Variants in PLA2G4A observed in about 807,000 individuals in gnomAD.
PLA2G4A encodes phospholipase A2 group IVA.
Under a neutral mutation model 81.9 loss-of-function variants are expected in PLA2G4A, and 40 were observed. The observed-to-expected ratio is 0.49, with a 90% CI of 0.38 to 0.64. The LOEUF is 0.64. Ranked by LOEUF, PLA2G4A falls within the 30% of genes least tolerant of loss-of-function variation. The pLI, the probability that PLA2G4A is intolerant of heterozygous loss-of-function variation, is 0.00. For missense variants in PLA2G4A, 715 were observed against 905.1 expected (o/e 0.79, Z 2.69); for synonymous variants, 302 against 296.9 (o/e 1.02, Z -0.18).
intron 2 of PLA2G4A, 31 bp downstream of exon 2, chr1:186,854,418 T>C (rs1230732133): frequency 2.9e-6 from 4 of 1,390,610 alleles, no homozygotes; most frequent in Non-Finnish European, 4.1e-6. Flanking sequence ...GAATTCTTTC[T>C]TGGAGGGGGT....
chr1:186,951,541 C>T (rs1018767627), intron 13 of PLA2G4A, among the ~76,000 whole-genome samples: 3 of 151,886 alleles, frequency 2.0e-5, no homozygotes, highest in Admixed American at 1.3e-4. Context: ...TATATCTGTC[C>T]TATTACAGTT....
At chr1:186,836,802 G>T (rs1051596812) in intron 1 of PLA2G4A, among the ~76,000 whole-genome samples, 5 of 152,206 alleles carry the variant, frequency 3.3e-5, no homozygotes, top group Non-Finnish European at 5.9e-5. Flanking sequence ...TTCCGTCTTA[G>T]TGGAGACAGA....
At chr1:186,860,636 G>A (rs1415485232) in intron 2 of PLA2G4A, among the ~76,000 whole-genome samples, 3 of 152,120 alleles carry the variant, frequency 2.0e-5, no homozygotes, top group Admixed American at 6.6e-5. Context: ...ATGGCCTACC[G>A]AAATTGATGT....
chr1:186,960,225 A>G (rs1161875065), intron 14 of PLA2G4A, among the ~76,000 whole-genome samples: 2 of 152,280 alleles, frequency 1.3e-5, no homozygotes, highest in African/African-American at 4.8e-5. Flanking sequence ...TGTTTATCCT[A>G]CTTACTGTGA....
intron 1 of PLA2G4A, among the ~76,000 whole-genome samples, chr1:186,837,061 T>G (rs2101999965): frequency 6.6e-6 from 1 of 152,002 alleles, no homozygotes; most frequent in East Asian, 1.9e-4. Context: ...ACTAAGAAAC[T>G]AGATGGAAAA....
intron 8 of PLA2G4A, among the ~76,000 whole-genome samples, chr1:186,933,880 C>T (rs1034560813): frequency 6.6e-6 from 1 of 152,096 alleles, no homozygotes; most frequent in African/African-American, 2.4e-5. Flanking sequence ...TTCTACTAAA[C>T]CACACTCTTT....
At chr1:186,832,638 T>C (rs879810785) in intron 1 of PLA2G4A, among the ~76,000 whole-genome samples, 1 of 152,230 alleles carries the variant, frequency 6.6e-6, no homozygotes, top group Non-Finnish European at 1.5e-5. Flanking sequence ...ATTTCTTTGT[T>C]GAACAAAGTT....
intron 15 of PLA2G4A, 67 bp from the exon 16 acceptor site, chr1:186,977,526 A>G: frequency 9.5e-7 from 1 of 1,048,388 alleles, no homozygotes; most frequent in Non-Finnish European, 1.5e-6. Context: ...ACACTGAATT[A>G]TGGTCAGACC....
intron 7 of PLA2G4A, among the ~76,000 whole-genome samples, chr1:186,915,290 CAGAT>C (rs1571397113): frequency 6.6e-6 from 1 of 152,258 alleles, no homozygotes; most frequent in East Asian, 1.9e-4. Context: ...TCTATTTTGA[CAGAT>C]AGCATTTCTC....
intron 15 of PLA2G4A, among the ~76,000 whole-genome samples, chr1:186,974,901 T>C (rs1657478957): frequency 6.6e-6 from 1 of 152,182 alleles, no homozygotes; most frequent in South Asian, 2.1e-4. Flanking sequence ...CAGGATCACA[T>C]AAGGAAAGGG....
chr1:186,952,221 TATAG>T (rs1656585239), intron 13 of PLA2G4A, among the ~76,000 whole-genome samples: 1 of 152,128 alleles, frequency 6.6e-6, no homozygotes, highest in Non-Finnish European at 1.5e-5. Context: ...TAAGTATTTC[TATAG>T]ATAGTCAGTA....
At chr1:186,918,708 G>A (rs1364547271) in intron 7 of PLA2G4A, among the ~76,000 whole-genome samples, 1 of 152,232 alleles carries the variant, frequency 6.6e-6, no homozygotes, top group African/African-American at 2.4e-5. Context: ...GCTCGCCCGG[G>A]CTCTCTGATA....
At chr1:186,901,597 A>G (rs2142761) in intron 5 of PLA2G4A, among the ~76,000 whole-genome samples, 146,015 of 152,282 alleles carry the variant, frequency 0.96, 70,045 homozygotes, top group East Asian at 1. Context: ...AGAAAAAAGA[A>G]GTAATAGAGT....
At chr1:186,837,736 C>CAAAAAAAAAAAAAAAAAAA (rs750655561) in intron 1 of PLA2G4A, among the ~76,000 whole-genome samples, 10 of 55,176 alleles carry the variant, frequency 1.8e-4, no homozygotes, top group East Asian at 6.5e-4. Flanking sequence ...GACTCCGTCT[C>CAAAAAAAAAAAAAAAAAAA]AAAAAAAAAA....
At chr1:186,848,108 G>GA (rs917634662) in intron 1 of PLA2G4A, among the ~76,000 whole-genome samples, 3 of 152,072 alleles carry the variant, frequency 2.0e-5, no homozygotes, top group East Asian at 1.9e-4. Context: ...TGGGGCTGTG[G>GA]AAAAAAACAC....
At position 186,977,657 on chromosome 1, in the gene PLA2G4A, A is replaced by C; in HGVS notation, c.1829A>C (p.Tyr610Ser). Residue 610 changes from tyrosine (Y) to serine (S), a missense_variant, in exon 16 of 18, where the codon TAT becomes TCT. Transcript: ENST00000367466. ...CTCCCCTTTCCAAAGATTGATCCTT[A>C]TGTGTTTGATCGGGAAGGGCTGAAG... ...NKLPFPKIDP[Y>S]VFDREGLKEC... 1 of 1,613,538 alleles carries C rather than the reference A, an allele frequency of 6.2e-7. No homozygotes were observed. Among genetic ancestry groups the C allele is most frequent in the Non-Finnish European group, 8.5e-7 (1 of 1,179,464 alleles).
At chr1:186,839,543 C>T (rs142450187) in intron 1 of PLA2G4A, among the ~76,000 whole-genome samples, 1 of 152,344 alleles carries the variant, frequency 6.6e-6, no homozygotes, top group East Asian at 1.9e-4. Context: ...CGCAGAACCT[C>T]AACTGAAACC....
At chr1:186,902,215 A>G (rs1654565719) in intron 5 of PLA2G4A, among the ~76,000 whole-genome samples, 3 of 152,218 alleles carry the variant, frequency 2.0e-5, no homozygotes. Context: ...ATAAAAATAT[A>G]GCATTATAAT....
rs183347527 is a variant in PLA2G4A at position 186,885,976 on chromosome 1, A to G, written c.116-7035A>G. On this transcript the variant is annotated intron_variant, in intron 3 of 17. Coordinates refer to ENST00000367466, the MANE Select transcript of PLA2G4A (RefSeq NM_024420.3). The stretch of plus-strand genomic sequence containing the variant: ...GGGCAAAAGTAATATTTGAAAATAT[A>G]ATGGCTGGGTATTTTCTGTAGCCAA... Among the ~76,000 whole-genome samples the G allele has an allele frequency of 2.0e-4, 30 of 152,272 alleles. No homozygotes were observed. The East Asian group carries it at 2.7e-3, about 14-fold the overall frequency.
Sources: allele counts gnomAD v4.1 joint callset (sites outside exome capture counted in the v4.1 genomes callset), GRCh38; gene constraint gnomAD v4.1.1; transcripts MANE v1.5; gene names NCBI Gene and HGNC (gene_info 2026-07-23, HGNC 2026-07-21).